DENND1A: variants seen among roughly 807,000 people sequenced by gnomAD.
DENND1A encodes DENN domain-containing protein 1A.
In DENND1A, 51 loss-of-function variants were observed where a neutral mutation model predicts 113.7. The ratio of observed to expected loss-of-function variants is 0.45; its 90% CI spans 0.36 to 0.57. The LOEUF (loss-of-function observed/expected upper bound fraction) is 0.57, where lower values mean the gene tolerates loss of function less well. DENND1A is among the 20% of genes least tolerant of loss of function. The probability of loss-of-function intolerance (pLI) is 0.00; values close to 1 mark genes in which losing one functional copy is unlikely to be tolerated. For missense variants in DENND1A, 1,258 were observed against 1,395.9 expected (o/e 0.90, Z 1.57); for synonymous variants, 565 against 570.8 (o/e 0.99, Z 0.14).
chr9:123,471,405 G>T (rs1426546483), intron 13 of DENND1A, among the ~76,000 whole-genome samples: 2 of 152,214 alleles, frequency 1.3e-5, no homozygotes. Flanking sequence ...GGCTAAGAAA[G>T]GATCTGTTTT....
At chr9:123,846,200 T>G (rs1425901600) in intron 2 of DENND1A, among the ~76,000 whole-genome samples, 1 of 152,206 alleles carries the variant, frequency 6.6e-6, no homozygotes, top group Admixed American at 6.5e-5. Flanking sequence ...CAGTATCCAC[T>G]GACAAGAATG....
intron 5 of DENND1A, among the ~76,000 whole-genome samples, chr9:123,677,735 C>T (rs1265603279): frequency 6.6e-6 from 1 of 152,200 alleles, no homozygotes; most frequent in Non-Finnish European, 1.5e-5. Context: ...GGCCACGGCT[C>T]TTAGAATGGT....
intron 11 of DENND1A, among the ~76,000 whole-genome samples, chr9:123,595,305 G>A (rs73665311): frequency 0.02 from 3,084 of 152,136 alleles, 97 homozygotes; most frequent in African/African-American, 0.071. Context: ...TCAGCAAAGG[G>A]GCTCTTCCTC....
At chr9:123,641,109 C>G (rs896003765) in intron 9 of DENND1A, among the ~76,000 whole-genome samples, 4 of 152,160 alleles carry the variant, frequency 2.6e-5, no homozygotes, top group African/African-American at 9.7e-5. Context: ...CCAAAGTGAC[C>G]ACACTTTCAG....
At chr9:123,778,743 T>C (rs558959201) in intron 3 of DENND1A, among the ~76,000 whole-genome samples, 5 of 152,234 alleles carry the variant, frequency 3.3e-5, no homozygotes, top group African/African-American at 1.2e-4. Flanking sequence ...GGCTTCAGGC[T>C]ATAGTCTGCC....
At position 123,741,858 on chromosome 9, in the gene DENND1A, G is replaced by C. The variant is rs367589028; in HGVS notation, c.302+15845C>G. Among the ~76,000 whole-genome samples the C allele has an allele frequency of 5.3e-5, 8 of 152,354 alleles. No homozygotes were observed. The East Asian group carries it at 1.5e-3, about 29-fold the overall frequency. The stretch of plus-strand genomic sequence containing the variant: ...AGGATTAAATCAAGGATTCTGAGCA[G>C]AGAGGGGAAAGGCCATGATCATTCC... On this transcript the variant is annotated intron_variant, in intron 5 of 23. Coordinates refer to ENST00000394215, the MANE Select transcript of DENND1A (RefSeq NM_001352964.2).
chr9:123,847,773 G>A (rs950387265), intron 2 of DENND1A, among the ~76,000 whole-genome samples: 11 of 151,980 alleles, frequency 7.2e-5, no homozygotes, highest in South Asian at 2.1e-4. Flanking sequence ...TGTCTCTACC[G>A]AAAATACAGA....
intron 13 of DENND1A, among the ~76,000 whole-genome samples, chr9:123,463,052 TG>T (rs1266616601): frequency 6.6e-6 from 1 of 152,188 alleles, no homozygotes; most frequent in African/African-American, 2.4e-5. Flanking sequence ...TATTCTCCCC[TG>T]AAGTGCTGAT....
At chr9:123,728,712 G>A (rs890386070) in intron 5 of DENND1A, among the ~76,000 whole-genome samples, 1 of 152,036 alleles carries the variant, frequency 6.6e-6, no homozygotes, top group Non-Finnish European at 1.5e-5. Flanking sequence ...CTGATTTGAA[G>A]AATTACTATG....
chr9:123,760,897 A>G (rs979236824), intron 4 of DENND1A, among the ~76,000 whole-genome samples: 17 of 152,208 alleles, frequency 1.1e-4, no homozygotes, highest in Non-Finnish European at 2.1e-4. Flanking sequence ...TTGTGCTTTT[A>G]AGAAACACTA....
intron 2 of DENND1A, among the ~76,000 whole-genome samples, chr9:123,820,432 A>C (rs568649125): frequency 6.6e-6 from 1 of 152,344 alleles, no homozygotes; most frequent in African/African-American, 2.4e-5. Flanking sequence ...GAGAGGCCAC[A>C]TGGACAATGA....
chr9:123,644,439 C>A (rs1367660744), intron 9 of DENND1A, among the ~76,000 whole-genome samples: 1,860 of 150,336 alleles, frequency 0.012, 20 homozygotes, highest in South Asian at 0.029. Context: ...TATTTTTCAC[C>A]CAAACCAACA....
Position 123,757,784 on chromosome 9 carries a change from A to G in DENND1A, c.221T>C (p.Val74Ala). 1 of 1,614,120 alleles carries G rather than the reference A, an allele frequency of 6.2e-7. No homozygotes were observed. The highest frequency in any genetic ancestry group is 8.5e-7 in the Non-Finnish European group (1 of 1,180,002). ...CTGTTTGCTGTCAATGTCAGTGAGC[A>G]CGAATGTGAAGTTCTGGCCAACTTG... ...VSQVGQNFTFVLTDIDSKQRF... is the reference protein window; with the variant it reads ...VSQVGQNFTFALTDIDSKQRF... The change falls in exon 5 of 24, where the codon GTG (valine) becomes GCG (alanine). Residue 74 changes from valine to alanine, a missense_variant. Coordinates refer to ENST00000394215, the MANE Select transcript of DENND1A (RefSeq NM_001352964.2).
intron 1 of DENND1A, among the ~76,000 whole-genome samples, chr9:123,913,124 A>AC (rs1220689295): frequency 1.6e-4 from 24 of 151,110 alleles, no homozygotes; most frequent in African/African-American, 5.6e-4. Context: ...AAAAAAAAAA[A>AC]AAAAAAAAAA....
rs1220231310 is a variant in DENND1A at position 123,906,456 on chromosome 9, G to A, written c.17+23433C>T. ...AAAGGATCAACAAAATTGATAGACC[G>A]CTAGCAAGACTAATAAAGAAAAAAA... On this transcript the variant is annotated intron_variant, in intron 1 of 23. Transcript: ENST00000394215. Among the ~76,000 whole-genome samples, 26 of 93,554 alleles carry A rather than the reference G, an allele frequency of 2.8e-4. No individual in the cohort carries two copies. In the East Asian group the frequency reaches 6.0e-3, roughly 22 times the overall value. 61.4% of individuals were successfully genotyped at this position (93,554 alleles called of 152,430 possible).
chr9:123,553,409 C>CA (rs1242494266), intron 13 of DENND1A, among the ~76,000 whole-genome samples: 1 of 151,508 alleles, frequency 6.6e-6, no homozygotes. Context: ...CGCCCCCCCC[C>CA]CGCTCCTCAT....
intron 2 of DENND1A, among the ~76,000 whole-genome samples, chr9:123,818,851 T>C (rs914495871): frequency 6.6e-6 from 1 of 152,170 alleles, no homozygotes; most frequent in Non-Finnish European, 1.5e-5. Flanking sequence ...AACAAAACTA[T>C]TTAGACTACT....
chr9:123,458,042 C>T (rs1455599799), intron 13 of DENND1A, 145 bp from the exon 14 acceptor site: 2 of 628,092 alleles, frequency 3.2e-6, no homozygotes, highest in Non-Finnish European at 5.4e-6. Context: ...ACTCTGTCAC[C>T]CAGGCTGGAG....
At chr9:123,898,816 CA>C (rs1319123034) in intron 1 of DENND1A, among the ~76,000 whole-genome samples, 5 of 152,196 alleles carry the variant, frequency 3.3e-5, no homozygotes, top group Admixed American at 3.3e-4. Context: ...GTAAACTTGA[CA>C]GCACCTTATC....
Sources: gnomAD v4.1 joint callset for allele counts (sites outside exome capture counted in the v4.1 genomes callset) on GRCh38, gnomAD v4.1.1 for gene constraint, MANE v1.5 for transcripts, NCBI Gene and HGNC (gene_info 2026-07-23, HGNC 2026-07-21) for gene names.